ARAP2: variants seen among roughly 807,000 people sequenced by gnomAD.
ARAP2 encodes the protein arf-GAP with Rho-GAP domain, ANK repeat and PH domain-containing protein 2.
In ARAP2, 148 loss-of-function variants were observed where a neutral mutation model predicts 194.5. The ratio of observed to expected loss-of-function variants is 0.76; its 90% CI spans 0.67 to 0.87. The LOEUF (loss-of-function observed/expected upper bound fraction) is 0.87, where lower values mean the gene tolerates loss of function less well. Among genes scored for constraint, ARAP2 ranks in the 40% least tolerant of loss-of-function variants. The pLI, the probability that ARAP2 is intolerant of heterozygous loss-of-function variation, is 0.00. For synonymous variants in ARAP2, 695 were observed against 683.5 expected (o/e 1.02, Z -0.26); for missense variants, 2,128 against 1,989.7 (o/e 1.07, Z -1.32).
intron 8 of ARAP2, among the ~76,000 whole-genome samples, chr4:36,013,027 T>A (rs1255672638): frequency 6.6e-6 from 1 of 152,194 alleles, no homozygotes; most frequent in Non-Finnish European, 1.5e-5. Context: ...ACTGTTCTTG[T>A]AAAGACTTAA....
intron 9 of ARAP2, among the ~76,000 whole-genome samples, chr4:36,167,589 C>T (rs1267757945): frequency 6.6e-6 from 1 of 152,052 alleles, no homozygotes; most frequent in Non-Finnish European, 1.5e-5. Context: ...CATTATTTTT[C>T]CCCTCATTTA....
At chr4:36,051,250 C>G (rs1247284113) in intron 3 of ARAP2, among the ~76,000 whole-genome samples, 1 of 151,936 alleles carries the variant, frequency 6.6e-6, no homozygotes, top group African/African-American at 2.4e-5. Context: ...GCCTCTAATC[C>G]CAGCACTTTG....
At chr4:36,240,257 C>G (rs1172253833) in intron 1 of ARAP2, among the ~76,000 whole-genome samples, 3 of 152,016 alleles carry the variant, frequency 2.0e-5, no homozygotes, top group Non-Finnish European at 4.4e-5. Flanking sequence ...CATATTCATA[C>G]CACTATATTG....
At chr4:36,087,073 T>C (rs1712071640) in intron 28 of ARAP2, among the ~76,000 whole-genome samples, 1 of 152,076 alleles carries the variant, frequency 6.6e-6, no homozygotes, top group African/African-American at 2.4e-5. Flanking sequence ...TATACAAGCA[T>C]GCATATATTA....
intron 19 of ARAP2, among the ~76,000 whole-genome samples, chr4:36,146,884 A>C (rs572227294): frequency 6.6e-6 from 1 of 152,174 alleles, no homozygotes; most frequent in African/African-American, 2.4e-5. Context: ...ATAGTTACTG[A>C]AAAACTGAAT....
intron 20 of ARAP2, 110 bp from the exon 21 acceptor site, chr4:36,128,855 A>G: frequency 1.2e-6 from 1 of 847,562 alleles, no homozygotes; most frequent in Non-Finnish European, 1.8e-6. Flanking sequence ...TGATGAAATC[A>G]TTACGCAAGA....
intron 15 of ARAP2, among the ~76,000 whole-genome samples, chr4:36,156,118 C>T (rs1732231231): frequency 6.6e-6 from 1 of 151,684 alleles, no homozygotes; most frequent in African/African-American, 2.4e-5. Context: ...CTCATCTCTA[C>T]TAAAAATACA....
chr4:36,165,086 T>C lies in ARAP2; in HGVS notation c.2001A>G (p.Lys667=). The C allele has an allele frequency of 6.2e-7, 1 of 1,614,084 alleles. No individual in the cohort carries two copies. The highest frequency in any genetic ancestry group is 8.5e-7 in the Non-Finnish European group (1 of 1,179,926). Reference sequence around the variant, plus strand: ...GCTGCACAGCTTCAATCCAGTCTTGTTTCTCCTTTTCAGTCTCGGCTGTAA... The same window carrying C: ...GCTGCACAGCTTCAATCCAGTCTTGCTTCTCCTTTTCAGTCTCGGCTGTAA... The part of the protein sequence containing the change: ...FSFTAETEKE[K]QDWIEAVQQS... The change falls in exon 11 of 33, where the codon AAA becomes AAG. Residue 667 remains lysine, a synonymous_variant. Transcript: ENST00000303965.
intron 22 of ARAP2, among the ~76,000 whole-genome samples, chr4:36,124,529 A>G (rs546520598): frequency 6.6e-5 from 10 of 152,020 alleles, no homozygotes; most frequent in African/African-American, 1.7e-4. Flanking sequence ...TAAACTGATA[A>G]TAAAGAAATG....
chr4:36,125,470 G>A (rs1384017225), intron 21 of ARAP2, among the ~76,000 whole-genome samples: 2 of 151,910 alleles, frequency 1.3e-5, no homozygotes, highest in East Asian at 3.9e-4. Context: ...ACTATGAACT[G>A]TACAGTACCC....
intron 8 of ARAP2, among the ~76,000 whole-genome samples, chr4:36,014,319 AAAG>A (rs1715301696): frequency 9.1e-6 from 1 of 109,662 alleles, no homozygotes; most frequent in Non-Finnish European, 1.8e-5. Flanking sequence ...GGAAAGAAAG[AAAG>A]AGAGAAAGAA....
chr4:36,174,042 G>A (rs1737264233), intron 9 of ARAP2, among the ~76,000 whole-genome samples: 1 of 152,160 alleles, frequency 6.6e-6, no homozygotes, highest in South Asian at 2.1e-4. Context: ...GACATTATGT[G>A]TTACCCCTTC....
chr4:36,107,756 A>C, intron 26 of ARAP2, 63 bp from the exon 27 acceptor site: 2 of 1,478,534 alleles, frequency 1.4e-6, no homozygotes, highest in Non-Finnish European at 1.8e-6. Context: ...TTTATTTTAT[A>C]ATCATAAATT....
intron 30 of ARAP2, among the ~76,000 whole-genome samples, chr4:36,080,629 G>A (rs866761019): frequency 7.2e-5 from 11 of 152,154 alleles, no homozygotes; most frequent in Non-Finnish European, 1.5e-4. Context: ...TTCTGAGCCT[G>A]AGAAGAAAAA....
Position 36,228,964 on chromosome 4 carries a change from T to C in ARAP2, c.523A>G (p.Asn175Asp), listed in dbSNP as rs768707505. Residue 175 changes from asparagine (N) to aspartate (D), a missense_variant, in exon 2 of 33, where the codon AAT (asparagine) becomes GAT (aspartate). Coordinates refer to ENST00000303965, the MANE Select transcript of ARAP2 (RefSeq NM_015230.4). ...SLNDSLFGSDNIKIESLITKK... is the reference protein window; with the variant it reads ...SLNDSLFGSDDIKIESLITKK... The stretch of plus-strand genomic sequence containing the variant: ...GTAATCAATGATTCTATTTTAATAT[T>C]GTCACTACCAAATAAAGAATCATTC... 1.2e-6 allele frequency: 2 copies of C among 1,614,122 alleles called. No individual in the cohort carries two copies. The highest frequency in any genetic ancestry group is 1.7e-5 in the Admixed American group (1 of 59,978).
intron 9 of ARAP2, among the ~76,000 whole-genome samples, chr4:36,176,019 C>T (rs2109844431): frequency 6.6e-6 from 1 of 152,232 alleles, no homozygotes; most frequent in Middle Eastern, 3.4e-3. Flanking sequence ...CCTGAAACTC[C>T]TGGGCAACTA....
chr4:36,080,271 C>T lies in ARAP2; in HGVS notation c.4553G>A (p.Cys1518Tyr). 3 of 1,612,670 alleles carry T rather than the reference C, an allele frequency of 1.9e-6. No individual in the cohort carries two copies. The highest frequency in any genetic ancestry group is 2.5e-6 in the Non-Finnish European group (3 of 1,179,052). Residue 1518 changes from cysteine to tyrosine, a missense_variant, in exon 31 of 33, where the codon TGT becomes TAT. Coordinates refer to ENST00000303965, the MANE Select transcript of ARAP2 (RefSeq NM_015230.4). ...CGTCTGAGTTCGTGAACTATCACAA[C>T]ACAGGTGCCTGCAAAACGAGGTTTA... ...AYSEKHHWHL[C>Y]CDSSRTQTEW...
At chr4:36,148,543 A>G in intron 16 of ARAP2, 36 bp from the exon 17 acceptor site, 1 of 1,458,480 alleles carries the variant, frequency 6.9e-7, no homozygotes, top group Non-Finnish European at 9.6e-7. Flanking sequence ...ACTACCAGTT[A>G]TATTTAGCTC....
At chr4:36,086,991 CA>C (rs1167274370) in intron 28 of ARAP2, among the ~76,000 whole-genome samples, 2 of 152,176 alleles carry the variant, frequency 1.3e-5, no homozygotes, top group South Asian at 2.1e-4. Context: ...CTCTAATTAA[CA>C]CAAAGTCGCT....
Sources: gnomAD v4.1 joint callset for allele counts (sites outside exome capture counted in the v4.1 genomes callset) on GRCh38, gnomAD v4.1.1 for gene constraint, MANE v1.5 for transcripts, NCBI Gene and HGNC (gene_info 2026-07-23, HGNC 2026-07-21) for gene names.